Variants in DYSF observed in about 807,000 individuals in gnomAD.
The protein encoded by DYSF is dystrophy-associated fer-1-like 1.
A neutral mutation model predicts 274.9 loss-of-function variants in DYSF; 212 were observed. That is an observed-to-expected ratio of 0.77 (90% CI 0.69 to 0.86). The LOEUF is 0.86. DYSF is among the 40% of genes least tolerant of loss of function. The pLI is 0.00. For missense variants in DYSF, 2,666 were observed against 2,783.2 expected, an observed-to-expected ratio of 0.96 and a Z score of 0.95; for synonymous variants, 1,091 against 1,078.7, an observed-to-expected ratio of 1.01 and a Z score of -0.22.
At position 71,511,930 on chromosome 2, in the gene DYSF, C is replaced by A. The variant is rs1052225757; in HGVS notation, c.460+9C>A. 1.5e-5 allele frequency: 22 copies of A among 1,515,410 alleles called. No individual in the cohort carries two copies. Among genetic ancestry groups the A allele is most frequent in the Admixed American group, 2.0e-5 (1 of 50,942 alleles). The allele number at this position is 1,515,410 out of a possible 1,614,324, so 93.9% of individuals were successfully genotyped here. A position where few individuals can be genotyped will look rare whatever the true frequency, so the allele number is the denominator to read the frequency against. On this transcript the variant is annotated intron_variant, in intron 5 of 55. Transcript: ENST00000410020. ...CCTGGATGTAGTGGCAGGTGGGTAG[C>A]CCACGTTGGCCTGGCTGGGCCCCAG...
chr2:71,562,844 C>A (rs2091859844), intron 23 of DYSF, among the ~76,000 whole-genome samples: 1 of 152,208 alleles, frequency 6.6e-6, no homozygotes, highest in Non-Finnish European at 1.5e-5. Context: ...CAACTCCTCA[C>A]AGTGGCAGCA....
At chr2:71,611,012 T>G in intron 36 of DYSF, 1 of 578,606 alleles carries the variant, frequency 1.7e-6, no homozygotes, top group Non-Finnish European at 3.2e-6. Context: ...TGGAACAAGG[T>G]GACCTGAACC....
At chr2:71,575,870 G>T (rs373838887) in intron 30 of DYSF, among the ~76,000 whole-genome samples, 1 of 152,222 alleles carries the variant, frequency 6.6e-6, no homozygotes, top group Non-Finnish European at 1.5e-5. Flanking sequence ...GTGTCCCCAG[G>T]ACTCGCACCC....
intron 30 of DYSF, 108 bp from the exon 31 acceptor site, chr2:71,589,485 G>C (rs538664199): frequency 1.1e-6 from 1 of 875,010 alleles, no homozygotes; most frequent in East Asian, 2.4e-5. Context: ...TTCAGCTTTC[G>C]GCAGCGGAGA....
chr2:71,537,307 C>T (rs972990119), intron 16 of DYSF, among the ~76,000 whole-genome samples: 6 of 134,082 alleles, frequency 4.5e-5, no homozygotes, highest in Admixed American at 1.8e-4. Flanking sequence ...AGTCCAATGG[C>T]GTGATCTTGG....
At chr2:71,471,714 A>G (rs1389732889) in intron 1 of DYSF, among the ~76,000 whole-genome samples, 1 of 152,198 alleles carries the variant, frequency 6.6e-6, no homozygotes, top group Non-Finnish European at 1.5e-5. Context: ...TCACGCCTGT[A>G]ATCCCAGCAC....
At chr2:71,456,924 G>C (rs1019052230) in intron 1 of DYSF, among the ~76,000 whole-genome samples, 1 of 152,172 alleles carries the variant, frequency 6.6e-6, no homozygotes, top group African/African-American at 2.4e-5. Flanking sequence ...GTGGTGCCTG[G>C]GGTCCCCAGC....
Position 71,570,679 on chromosome 2 carries a change from C to T in DYSF, c.3166C>T (p.Arg1056Ter), listed in dbSNP as rs369607332. The T allele has an allele frequency of 4.3e-5, 70 of 1,613,960 alleles. No individual in the cohort carries two copies. Among genetic ancestry groups the T allele is most frequent in the African/African-American group, 9.3e-5 (7 of 74,916 alleles). ...TGCTGAGAAGATGTACTACACACAC[C>T]GACGGCGGCGCTGGGTGCGCCTGCG... Reference protein sequence around the residue: ...VPAEKMYYTHRRRRWVRLRRR... With the variant: ...VPAEKMYYTH Residue 1056 changes from arginine to a stop codon, truncating the protein, a stop_gained, in exon 29 of 56, where the codon CGA becomes TGA. Coordinates refer to ENST00000410020, the MANE Select transcript of DYSF (RefSeq NM_001130987.2). LOFTEE classifies it high-confidence loss of function.
chr2:71,654,943 A>G (rs2094739931), intron 42 of DYSF, among the ~76,000 whole-genome samples: 1 of 152,026 alleles, frequency 6.6e-6, no homozygotes, highest in Admixed American at 6.6e-5. Flanking sequence ...AAAAATATAA[A>G]AATTAGCTCA....
chr2:71,463,075 C>G (rs2081350176), upstream of DYSF, among the ~76,000 whole-genome samples: 1 of 152,216 alleles, frequency 6.6e-6, no homozygotes, highest in East Asian at 1.9e-4. Context: ...CTGTCTGCCT[C>G]CTGCTGCCAT....
At chr2:71,674,346 A>T in intron 52 of DYSF, 50 bp downstream of exon 52, 1 of 1,563,342 alleles carries the variant, frequency 6.4e-7, no homozygotes, top group Non-Finnish European at 8.8e-7. Flanking sequence ...CTGCCCCAGA[A>T]CCCACACTGT....
intron 19 of DYSF, 88 bp from the exon 20 acceptor site, chr2:71,552,923 C>G: frequency 2.8e-6 from 4 of 1,421,486 alleles, no homozygotes; most frequent in South Asian, 1.2e-5. Flanking sequence ...CGGTTATGGC[C>G]GGGGCCTGCC....
chr2:71,621,806 C>G (rs1376399455), intron 41 of DYSF, among the ~76,000 whole-genome samples: 4 of 151,910 alleles, frequency 2.6e-5, no homozygotes, highest in Non-Finnish European at 5.9e-5. Context: ...ACTACAGGTG[C>G]GCAACACCAC....
At chr2:71,649,462 G>A (rs1208083128) in intron 42 of DYSF, among the ~76,000 whole-genome samples, 2 of 152,064 alleles carry the variant, frequency 1.3e-5, no homozygotes, top group African/African-American at 4.8e-5. Context: ...TCTAAAACTG[G>A]GTGATAGGGA....
chr2:71,619,321 C>T (rs1574406406), intron 40 of DYSF, among the ~76,000 whole-genome samples: 2 of 152,190 alleles, frequency 1.3e-5, no homozygotes, highest in African/African-American at 4.8e-5. Context: ...ATCCAGCAGC[C>T]CTGGCTAGGT....
chr2:71,653,052 G>T (rs1047050255), intron 42 of DYSF, among the ~76,000 whole-genome samples: 1 of 152,214 alleles, frequency 6.6e-6, no homozygotes, highest in African/African-American at 2.4e-5. Context: ...AAGATCTTTA[G>T]ATGAGATGAT....
intron 32 of DYSF, among the ~76,000 whole-genome samples, chr2:71,594,282 T>C (rs2093349106): frequency 6.6e-6 from 1 of 152,226 alleles, no homozygotes; most frequent in Non-Finnish European, 1.5e-5. Context: ...TAAGGTTGGC[T>C]CTGGCTGGGG....
At chr2:71,519,613 G>T (rs2087013958) in intron 10 of DYSF, among the ~76,000 whole-genome samples, 2 of 151,908 alleles carry the variant, frequency 1.3e-5, no homozygotes, top group African/African-American at 4.8e-5. Flanking sequence ...CTACCATGCA[G>T]GGATAACATA....
At chr2:71,565,982 T>G (rs1010179478) in intron 24 of DYSF, among the ~76,000 whole-genome samples, 8 of 152,204 alleles carry the variant, frequency 5.3e-5, no homozygotes, top group Admixed American at 5.2e-4. Flanking sequence ...CACACAGTTG[T>G]GTGAGTGAGT....
Sources: gnomAD v4.1 joint callset for allele counts (sites outside exome capture counted in the v4.1 genomes callset) on GRCh38, gnomAD v4.1.1 for gene constraint, MANE v1.5 for transcripts, NCBI Gene and HGNC (gene_info 2026-07-23, HGNC 2026-07-21) for gene names.